The following LYST variants were observed in gnomAD, a reference collection of about 807,000 sequenced individuals.
LYST encodes the protein lysosomal trafficking regulator, also known as lysosomal-trafficking regulator.
Under a neutral mutation model 413.6 loss-of-function variants are expected in LYST, and 192 were observed. That is an observed-to-expected ratio of 0.46 (90% CI 0.41 to 0.52). LYST has a LOEUF of 0.52. Ranked by LOEUF, LYST falls within the 20% of genes least tolerant of loss-of-function variation. The pLI is 0.00. For synonymous variants in LYST, 1,525 were observed against 1,567.3 expected (o/e 0.97, Z 0.64); for missense variants, 3,815 against 4,499.9 (o/e 0.85, Z 4.35).
At chr1:235,672,282 T>C (rs957924779) in intron 50 of LYST, among the ~76,000 whole-genome samples, 1 of 152,170 alleles carries the variant, frequency 6.6e-6, no homozygotes, top group Non-Finnish European at 1.5e-5. Context: ...GGAATAACCA[T>C]GACTTTGGAT....
chr1:235,753,781 T>C (rs529363365), intron 25 of LYST, among the ~76,000 whole-genome samples: 15 of 152,318 alleles, frequency 9.8e-5, no homozygotes, highest in African/African-American at 3.4e-4. Flanking sequence ...TGGTGATATA[T>C]GTCCTCTTTT....
chr1:235,867,143 C>T (rs1044169805), upstream of LYST, among the ~76,000 whole-genome samples: 3 of 152,194 alleles, frequency 2.0e-5, no homozygotes, highest in Non-Finnish European at 2.9e-5. Context: ...GGCCGACCCG[C>T]GGGGCTGCAG....
intron 17 of LYST, 148 bp from the exon 18 acceptor site, chr1:235,775,234 T>C: frequency 1.5e-6 from 1 of 673,180 alleles, no homozygotes; most frequent in East Asian, 2.7e-5. Flanking sequence ...GTAAGGCTTG[T>C]GAATAAACAA....
Position 235,766,286 on chromosome 1 carries a change from A to G in LYST, c.5923-9T>C. ...TGCCCCTCTTTGTATTCCTGAAAAA[A>G]TAAAAAAAACTCTCTTTAGATTTAA... is the stretch of plus-strand genomic sequence containing the variant. On this transcript the variant is annotated splice_polypyrimidine_tract_variant and intron_variant, in intron 20 of 52. Transcript: ENST00000389793. The G allele has an allele frequency of 1.3e-6, 2 of 1,587,364 alleles. No homozygotes were observed. The highest frequency in any genetic ancestry group is 2.3e-5 in the South Asian group (2 of 86,784).
intron 1 of LYST, among the ~76,000 whole-genome samples, chr1:235,875,170 G>C (rs1681085073): frequency 6.6e-6 from 1 of 152,188 alleles, no homozygotes; most frequent in Non-Finnish European, 1.5e-5. Flanking sequence ...TTTCCAAAGT[G>C]AAAGAGTCAA....
chr1:235,764,861 T>C (rs1417279037), intron 21 of LYST, among the ~76,000 whole-genome samples: 2 of 152,210 alleles, frequency 1.3e-5, no homozygotes, highest in Non-Finnish European at 2.9e-5. Context: ...TGTAAATTTA[T>C]GACTCAGCTT....
rs765989181 is a variant in LYST, at chr1:235,702,773, C to T, written c.10348G>A (p.Glu3450Lys). ...GGATAGGTGATTTCTTTGACCTGTTCTCGGGTCTCCCTGAAAGCAAACTGC... is the reference window on the plus strand; with the variant it reads ...GGATAGGTGATTTCTTTGACCTGTTTTCGGGTCTCCCTGAAAGCAAACTGC... The part of the protein sequence containing the change: ...LVQFAFRETR[E>K]QVKEITYPSP... The change falls in exon 45 of 53, where the codon GAA becomes AAA. Residue 3450 changes from glutamate to lysine, a missense_variant. Transcript: ENST00000389793. The T allele has an allele frequency of 6.8e-6, 11 of 1,614,154 alleles. No individual in the cohort carries two copies. The highest frequency in any genetic ancestry group is 3.3e-4 in the Middle Eastern group (2 of 6,062).
At chr1:235,712,673 TTTTC>T (rs1452355243) in intron 42 of LYST, 15 of 984,354 alleles carry the variant, frequency 1.5e-5, no homozygotes, top group South Asian at 4.7e-5. Flanking sequence ...TTCTCCTTTC[TTTTC>T]TTTCTTTCTT....
chr1:235,870,155 G>T (rs1057181907), upstream of LYST, among the ~76,000 whole-genome samples: 1 of 152,130 alleles, frequency 6.6e-6, no homozygotes, highest in East Asian at 1.9e-4. Flanking sequence ...GTCCCTTCTT[G>T]GGGGGTGTGG....
chr1:235,830,370 G>A lies in LYST; in HGVS notation c.48C>T (p.Val16=), dbSNP rs769694006. The part of the protein sequence containing the change: ...NSLAREFLTD[V]NRLCNAVVQR... Reference sequence around the variant, plus strand: ...GGACCACTGCATTGCAAAGCCGGTTGACATCGGTCAGAAATTCACGTGCCA... The same window carrying A: ...GGACCACTGCATTGCAAAGCCGGTTAACATCGGTCAGAAATTCACGTGCCA... Residue 16 remains valine, a synonymous_variant, in exon 3 of 53, where the codon GTC becomes GTT. Transcript: ENST00000389793. 3 of 1,613,710 alleles carry A rather than the reference G, an allele frequency of 1.9e-6. No homozygotes were observed. In the East Asian group the frequency reaches 6.7e-5, roughly 36 times the overall value.
chr1:235,719,239 A>T (rs934629432), intron 40 of LYST, among the ~76,000 whole-genome samples: 1 of 152,096 alleles, frequency 6.6e-6, no homozygotes, highest in Admixed American at 6.5e-5. Context: ...GCTGCTCTTG[A>T]ACTTCAGGCC....
chr1:235,823,175 T>C lies in LYST; in HGVS notation c.192+7051A>G, dbSNP rs190144087. ...ATTGGGGGATTAATTAAAACGGGAA[T>C]AATTCAATGAATTATCTACTCTCCA... On this transcript the variant is annotated intron_variant, in intron 3 of 52. Transcript: ENST00000389793. Among the ~76,000 whole-genome samples the C allele has an allele frequency of 2.0e-4, 30 of 152,346 alleles. No individual in the cohort carries two copies. In the East Asian group the frequency reaches 5.8e-3, roughly 29 times the overall value.
intron 21 of LYST, 63 bp from the exon 22 acceptor site, chr1:235,762,914 T>G: frequency 8.2e-7 from 1 of 1,219,086 alleles, no homozygotes; most frequent in South Asian, 1.3e-5. Context: ...AAAATATAAC[T>G]TTAAAAGCAG....
Position 235,755,647 on chromosome 1 carries a change from G to C in LYST, c.7060C>G (p.Leu2354Val). 1 of 1,580,736 alleles carries C rather than the reference G, an allele frequency of 6.3e-7. No homozygotes were observed. Among genetic ancestry groups the C allele is most frequent in the Non-Finnish European group, 8.7e-7 (1 of 1,150,352 alleles). Residue 2354 changes from leucine (L) to valine (V), a missense_variant and splice_region_variant, in exon 25 of 53, where the codon CTA becomes GTA. Physicochemically the swap from Leu to Val is conservative, Grantham distance 32. This residue lies in a region of LYST where 771 missense variants were observed against 837.1 expected (regional missense o/e 0.92). Transcript: ENST00000389793. ...GCTCTAGCAAAATATGCATCTAATA[G>C]CTAAACAAAAAATTTAAGTCAATTT... ...SPAIQQGVIK[L>V]LDAYFARASK...
intron 1 of LYST, among the ~76,000 whole-genome samples, chr1:235,855,571 T>C (rs1461206215): frequency 2.0e-5 from 3 of 152,164 alleles, no homozygotes; most frequent in African/African-American, 7.2e-5. Flanking sequence ...GCATGATAGT[T>C]TTCCATACCT....
At chr1:235,679,175 A>C (rs1558108220) in intron 48 of LYST, among the ~76,000 whole-genome samples, 1 of 152,214 alleles carries the variant, frequency 6.6e-6, no homozygotes, top group Non-Finnish European at 1.5e-5. Context: ...CAGCGACCAG[A>C]TCAGCTTTTA....
intron 1 of LYST, among the ~76,000 whole-genome samples, chr1:235,844,916 T>C (rs1472579156): frequency 1.3e-5 from 2 of 152,160 alleles, no homozygotes; most frequent in African/African-American, 4.8e-5. Flanking sequence ...TAGTCAATAC[T>C]AGATGTGTTA....
chr1:235,695,804 T>G (rs1661060353), intron 46 of LYST, among the ~76,000 whole-genome samples: 1 of 151,832 alleles, frequency 6.6e-6, no homozygotes, highest in Non-Finnish European at 1.5e-5. Flanking sequence ...GGCTAATTTT[T>G]TTTTGTATTT....
intron 45 of LYST, among the ~76,000 whole-genome samples, chr1:235,701,218 G>A (rs1260557068): frequency 6.6e-6 from 1 of 152,186 alleles, no homozygotes; most frequent in African/African-American, 2.4e-5. Context: ...TTCCCACTGC[G>A]AGCAGACATA....
Sources: gnomAD v4.1 joint callset for allele counts (sites outside exome capture counted in the v4.1 genomes callset) on GRCh38, gnomAD v4.1.1 for gene constraint, gnomAD v4.1.1 regional missense constraint, MANE v1.5 for transcripts, NCBI Gene and HGNC (gene_info 2026-07-23, HGNC 2026-07-21) for gene names.